The following LARGE1 variants were observed in gnomAD, a reference collection of about 807,000 sequenced individuals.
LARGE1 encodes xylosyl- and glucuronyltransferase LARGE1.
A neutral mutation model predicts 87.6 loss-of-function variants in LARGE1; 43 were observed. That is an observed-to-expected ratio of 0.49 (90% CI 0.38 to 0.63). The LOEUF (loss-of-function observed/expected upper bound fraction) is 0.63, where lower values mean the gene tolerates loss of function less well. Ranked by LOEUF, LARGE1 falls within the 30% of genes least tolerant of loss-of-function variation. The probability of loss-of-function intolerance (pLI) is 0.00; values close to 1 mark genes in which losing one functional copy is unlikely to be tolerated. For synonymous variants in LARGE1, 434 were observed against 394.6 expected (o/e 1.10, Z -1.18); for missense variants, 802 against 1,000.2 (o/e 0.80, Z 2.67).
At chr22:33,143,425 A>G in the LARGE1 span, among the ~76,000 whole-genome samples, 1 of 152,220 alleles carries the variant, frequency 6.6e-6, no homozygotes, top group African/African-American at 2.4e-5. Flanking sequence ...TCAAGCAGAT[A>G]TATCAGTAAT....
At chr22:33,762,493 G>C (rs238862) in intron 1 of LARGE1, among the ~76,000 whole-genome samples, 132,455 of 152,184 alleles carry the variant, frequency 0.87, 57,807 homozygotes, top group East Asian at 0.97. Context: ...CCACCTCCAT[G>C]TGCATGGGAC....
chr22:33,363,767 C>T (rs62225261), intron 9 of LARGE1, among the ~76,000 whole-genome samples: 11,361 of 149,826 alleles, frequency 0.076, 1,392 homozygotes, highest in African/African-American at 0.19. Flanking sequence ...GGAGCCATGA[C>T]GAAGTAAAAT....
intron 9 of LARGE1, among the ~76,000 whole-genome samples, chr22:33,375,400 T>C (rs945955510): frequency 1.3e-5 from 2 of 152,162 alleles, no homozygotes; most frequent in African/African-American, 4.8e-5. Flanking sequence ...CCACAGTGGC[T>C]CATGTCTGTA....
At chr22:33,163,179 TG>T (rs1238930921) in exon 12 of LARGE1, 2 of 152,250 alleles carry the variant, frequency 1.3e-5, no homozygotes, top group Non-Finnish European at 2.9e-5. Flanking sequence ...ACAGTCGTCT[TG>T]GGCAGCCCTC....
chr22:33,819,854 G>A (rs1168590665), intron 1 of LARGE1, among the ~76,000 whole-genome samples: 2 of 152,204 alleles, frequency 1.3e-5, no homozygotes, highest in Non-Finnish European at 2.9e-5. Flanking sequence ...CTGGGCACAG[G>A]ATGAGACACT....
At chr22:33,549,103 G>T (rs867561979) in intron 6 of LARGE1, among the ~76,000 whole-genome samples, 3 of 152,082 alleles carry the variant, frequency 2.0e-5, no homozygotes, top group Non-Finnish European at 4.4e-5. Context: ...CCTTTAAAAG[G>T]CCCCTCCATT....
At chr22:33,121,680 A>G in the LARGE1 span, among the ~76,000 whole-genome samples, 25,621 of 152,176 alleles carry the variant, frequency 0.17, 2,739 homozygotes, top group African/African-American at 0.3. Flanking sequence ...GGAGATACCC[A>G]GTACCCTTCT....
intron 11 of LARGE1, among the ~76,000 whole-genome samples, chr22:33,209,317 G>A (rs1924843785): frequency 6.6e-6 from 1 of 152,200 alleles, no homozygotes. Context: ...AAGGTAGGAG[G>A]TAGCAGATGC....
chr22:33,684,909 A>G (rs771844939), intron 2 of LARGE1, among the ~76,000 whole-genome samples: 4 of 152,106 alleles, frequency 2.6e-5, no homozygotes, highest in Non-Finnish European at 5.9e-5. Flanking sequence ...CACTTCTTCA[A>G]GGTGATGAAT....
At chr22:33,130,116 C>G in the LARGE1 span, among the ~76,000 whole-genome samples, 177 of 151,726 alleles carry the variant, frequency 1.2e-3, 1 homozygote, top group Admixed American at 9.8e-3. Flanking sequence ...AGATCGAGAC[C>G]ATACTGGCTA....
At chr22:33,547,096 C>T (rs1248543952) in intron 6 of LARGE1, among the ~76,000 whole-genome samples, 1 of 151,718 alleles carries the variant, frequency 6.6e-6, no homozygotes, top group East Asian at 1.9e-4. Context: ...CTGTTATATG[C>T]CAGGTCTTTT....
At chr22:33,821,187 G>A (rs917200519) in intron 1 of LARGE1, among the ~76,000 whole-genome samples, 1 of 152,144 alleles carries the variant, frequency 6.6e-6, no homozygotes, top group Non-Finnish European at 1.5e-5. Context: ...AGGGCATTAG[G>A]AGAATCCCAG....
At chr22:33,883,834 C>A (rs2064768931) in intron 1 of LARGE1, among the ~76,000 whole-genome samples, 1 of 152,200 alleles carries the variant, frequency 6.6e-6, no homozygotes, top group Admixed American at 6.5e-5. Context: ...CTAACCCACT[C>A]CTGCCAACAC....
rs2065175896 is a variant in LARGE1 at position 33,382,021 on chromosome 22, T to C, written c.1029A>G (p.Lys343=). The part of the protein sequence containing the change: ...ADQDIFNAVI[K]QNPFLVYQLP... ...GCTGGTACACAAGGAAGGGGTTTTG[T>C]TTGATGACGGCATTGAAAATATCCT... Residue 343 remains lysine, a synonymous_variant, in exon 9 of 15, where the codon AAA becomes AAG. Transcript: ENST00000397394. 1 of 1,614,126 alleles carries C rather than the reference T, an allele frequency of 6.2e-7. No individual in the cohort carries two copies. The highest frequency in any genetic ancestry group is 1.7e-5 in the Admixed American group (1 of 60,026).
chr22:33,354,765 A>C (rs2146804575), intron 9 of LARGE1, among the ~76,000 whole-genome samples: 1 of 152,308 alleles, frequency 6.6e-6, no homozygotes, highest in African/African-American at 2.4e-5. Context: ...GGATCTGTGA[A>C]TTTTAGGAGG....
intron 3 of LARGE1, among the ~76,000 whole-genome samples, chr22:33,636,814 G>A (rs563147404): frequency 5.3e-5 from 8 of 152,038 alleles, no homozygotes; most frequent in Non-Finnish European, 1.0e-4. Flanking sequence ...TTACAGGCAT[G>A]AGCCACCATG....
chr22:33,144,923 T>C, the LARGE1 span, among the ~76,000 whole-genome samples: 1 of 152,110 alleles, frequency 6.6e-6, no homozygotes, highest in African/African-American at 2.4e-5. Flanking sequence ...AAACAACCTC[T>C]ACAGTTGGCA....
rs1037900272 is a variant in LARGE1 at position 33,283,698 on chromosome 22, G to C, written c.1731-350C>G. ...GGACTGAGGCATGACAATTGCTGGA[G>C]CCCGGGAGGCAGAGGTTGCAATGAG... On this transcript the variant is annotated intron_variant, in intron 12 of 14. Transcript: ENST00000397394. Among the ~76,000 whole-genome samples the C allele has an allele frequency of 2.0e-5, 3 of 151,936 alleles. No homozygotes were observed. In the East Asian group the frequency reaches 5.8e-4, roughly 30 times the overall value.
At chr22:33,727,873 G>C (rs890337485) in intron 2 of LARGE1, among the ~76,000 whole-genome samples, 1 of 152,138 alleles carries the variant, frequency 6.6e-6, no homozygotes, top group Non-Finnish European at 1.5e-5. Context: ...AGCTTCTTAG[G>C]GCAGGTGAGA....
Sources: allele counts gnomAD v4.1 joint callset (sites outside exome capture counted in the v4.1 genomes callset), GRCh38; gene constraint gnomAD v4.1.1; transcripts MANE v1.5; gene names NCBI Gene and HGNC (gene_info 2026-07-23, HGNC 2026-07-21).